ADGRB3: variants seen among roughly 807,000 people sequenced by gnomAD.
ADGRB3 encodes brain-specific angiogenesis inhibitor 3.
In ADGRB3, 37 loss-of-function variants were observed where a neutral mutation model predicts 193.4. That is an observed-to-expected ratio of 0.19 (90% confidence interval 0.15 to 0.25). The LOEUF is 0.25. Among genes scored for constraint, ADGRB3 ranks in the 10% least tolerant of loss-of-function variants. The pLI, the probability that ADGRB3 is intolerant of heterozygous loss-of-function variation, is 1.00. For missense variants in ADGRB3, 1,637 were observed against 1,852.9 expected, an observed-to-expected ratio of 0.88 and a Z score of 2.14; for synonymous variants, 690 against 644.2, an observed-to-expected ratio of 1.07 and a Z score of -1.08.
chr6:69,244,021 TGATA>T (rs1410572553), intron 20 of ADGRB3, among the ~76,000 whole-genome samples: 60 of 152,160 alleles, frequency 3.9e-4, no homozygotes, highest in African/African-American at 1.4e-3. Context: ...AAGTTCTCAT[TGATA>T]GATAAAGGGA....
intron 17 of ADGRB3, among the ~76,000 whole-genome samples, chr6:69,152,391 G>C (rs1411122879): frequency 6.6e-6 from 1 of 152,170 alleles, no homozygotes; most frequent in African/African-American, 2.4e-5. Flanking sequence ...GAATTTATTA[G>C]AAATCATTAG....
chr6:68,996,895 A>G (rs1279823928), intron 11 of ADGRB3, among the ~76,000 whole-genome samples: 1 of 152,226 alleles, frequency 6.6e-6, no homozygotes, highest in East Asian at 1.9e-4. Flanking sequence ...TGTTTGTTGA[A>G]TGTATTAACA....
chr6:68,788,875 T>C (rs1767034400), intron 3 of ADGRB3, among the ~76,000 whole-genome samples: 1 of 152,234 alleles, frequency 6.6e-6, no homozygotes, highest in Non-Finnish European at 1.5e-5. Context: ...TAGTTAGCTC[T>C]TCTTGTTGAA....
At chr6:68,901,684 A>G (rs960143628) in intron 3 of ADGRB3, among the ~76,000 whole-genome samples, 4 of 152,242 alleles carry the variant, frequency 2.6e-5, no homozygotes, top group African/African-American at 9.6e-5. Flanking sequence ...ATACATTAAA[A>G]TATTAGATAA....
intron 17 of ADGRB3, among the ~76,000 whole-genome samples, chr6:69,101,313 A>G (rs1773048321): frequency 6.6e-6 from 1 of 152,186 alleles, no homozygotes; most frequent in African/African-American, 2.4e-5. Context: ...GTAGTGAAAT[A>G]AAAATTTGCC....
At chr6:69,316,414 A>G (rs1241422145) in intron 20 of ADGRB3, among the ~76,000 whole-genome samples, 1 of 151,590 alleles carries the variant, frequency 6.6e-6, no homozygotes, top group Non-Finnish European at 1.5e-5. Context: ...ATGAGAGAAC[A>G]TTACACACAA....
chr6:68,777,683 A>AC (rs1766774970), intron 3 of ADGRB3, among the ~76,000 whole-genome samples: 1 of 151,590 alleles, frequency 6.6e-6, no homozygotes. Context: ...AAAAAAAAAA[A>AC]AAAAACGACT....
At chr6:69,256,779 GCC>G (rs1766783330) in intron 20 of ADGRB3, among the ~76,000 whole-genome samples, 1 of 152,158 alleles carries the variant, frequency 6.6e-6, no homozygotes, top group Non-Finnish European at 1.5e-5. Context: ...CCTGTCTTGT[GCC>G]AGTTTTCAAA....
chr6:69,350,673 A>T (rs1355942362), intron 26 of ADGRB3, among the ~76,000 whole-genome samples: 1 of 152,176 alleles, frequency 6.6e-6, no homozygotes, highest in Non-Finnish European at 1.5e-5. Flanking sequence ...TAAGTCAAAG[A>T]ATAATATTAT....
At chr6:69,385,773 T>A (rs1770056914) in intron 31 of ADGRB3, among the ~76,000 whole-genome samples, 1 of 152,040 alleles carries the variant, frequency 6.6e-6, no homozygotes, top group Non-Finnish European at 1.5e-5. Context: ...ATCACCAACT[T>A]CAGTGATCCC....
intron 17 of ADGRB3, among the ~76,000 whole-genome samples, chr6:69,207,007 C>T (rs1180631410): frequency 2.6e-5 from 4 of 152,218 alleles, no homozygotes; most frequent in African/African-American, 9.7e-5. Flanking sequence ...TCCATGCATA[C>T]TCTTCCTGAC....
chr6:69,123,392 A>G (rs972403707), intron 17 of ADGRB3, among the ~76,000 whole-genome samples: 1 of 152,142 alleles, frequency 6.6e-6, no homozygotes, highest in African/African-American at 2.4e-5. Flanking sequence ...TTCTGAAAAT[A>G]TTCTTGCAGA....
chr6:68,658,638 T>G (rs1287776531), intron 3 of ADGRB3, among the ~76,000 whole-genome samples: 2 of 151,276 alleles, frequency 1.3e-5, no homozygotes, highest in Non-Finnish European at 3.0e-5. Flanking sequence ...AATACAAAGT[T>G]TTTTGGATTG....
chr6:69,388,382 C>T (rs1182858749), intron 31 of ADGRB3, among the ~76,000 whole-genome samples: 1 of 152,038 alleles, frequency 6.6e-6, no homozygotes, highest in Non-Finnish European at 1.5e-5. Context: ...CTTAACTCTC[C>T]TTCCTACTTC....
chr6:69,344,124 CA>C (rs1209931363), intron 26 of ADGRB3, among the ~76,000 whole-genome samples: 1 of 152,036 alleles, frequency 6.6e-6, no homozygotes, highest in Non-Finnish European at 1.5e-5. Flanking sequence ...GATCGTGATA[CA>C]AAACAAGCTA....
intron 11 of ADGRB3, among the ~76,000 whole-genome samples, chr6:69,000,249 A>G (rs1198983365): frequency 2.5e-4 from 38 of 152,262 alleles, no homozygotes; most frequent in Admixed American, 2.5e-3. Flanking sequence ...GGTATAGTCT[A>G]TAACATTACA....
At chr6:69,186,265 A>G (rs981940914) in intron 17 of ADGRB3, among the ~76,000 whole-genome samples, 2 of 151,868 alleles carry the variant, frequency 1.3e-5, no homozygotes, top group Admixed American at 1.3e-4. Flanking sequence ...GTCCTTGGCC[A>G]CAAATAAGCT....
chr6:69,045,248 C>G (rs997012008), intron 13 of ADGRB3, among the ~76,000 whole-genome samples: 1 of 152,086 alleles, frequency 6.6e-6, no homozygotes, highest in Admixed American at 6.5e-5. Context: ...TATAAATTAC[C>G]TTTGCTACAT....
intron 11 of ADGRB3, among the ~76,000 whole-genome samples, chr6:69,010,732 A>C (rs996061091): frequency 1.3e-5 from 2 of 150,948 alleles, no homozygotes; most frequent in Non-Finnish European, 2.9e-5. Flanking sequence ...AAGGACACTC[A>C]ATTTTTCAAA....
Sources: allele counts gnomAD v4.1 joint callset (sites outside exome capture counted in the v4.1 genomes callset), GRCh38; gene constraint gnomAD v4.1.1; transcripts MANE v1.5; gene names NCBI Gene and HGNC (gene_info 2026-07-23, HGNC 2026-07-21).